NOL8: variants seen among roughly 807,000 people sequenced by gnomAD.
NOL8 encodes nucleolar protein Nop132.
A neutral mutation model predicts 116.1 loss-of-function variants in NOL8; 93 were observed. The observed-to-expected ratio is 0.80, with a 90% CI of 0.68 to 0.95. The LOEUF (loss-of-function observed/expected upper bound fraction) is 0.95. NOL8 is among the 40% of genes least tolerant of loss of function. NOL8 has a pLI of 0.00. For synonymous variants in NOL8, 419 were observed against 469.0 expected (o/e 0.89, Z 1.38); for missense variants, 1,291 against 1,382.8 (o/e 0.93, Z 1.05).
In NOL8 at chr9:92,310,667, C is replaced by T. The variant is rs374107910; in HGVS notation, c.2481G>A (p.Met827Ile). The T allele has an allele frequency of 5.0e-6, 8 of 1,604,014 alleles. No individual in the cohort carries two copies. The highest frequency in any genetic ancestry group is 6.8e-6 in the Non-Finnish European group (8 of 1,177,038). ...CAAACAGCTTCCCTGATGTTTTACC[C>T]ATAGACTCCTGTGAAGAAACACAAC... ...HPGEEWVKES[M>I]GKTSGKLFDS... Residue 827 changes from methionine to isoleucine, a missense_variant, in exon 9 of 17, where the codon ATG (methionine) becomes ATA (isoleucine). Physicochemically the swap from Met to Ile is conservative, Grantham distance 10. Transcript: ENST00000442668.
At chr9:92,311,583 C>G (rs772167789) in intron 7 of NOL8, among the ~76,000 whole-genome samples, 3 of 152,056 alleles carry the variant, frequency 2.0e-5, no homozygotes, top group Non-Finnish European at 4.4e-5. Context: ...ACATGGCCAA[C>G]AAGCATACAA....
At chr9:92,298,814 G>C in intron 15 of NOL8, 70 bp downstream of exon 15, 2 of 861,188 alleles carry the variant, frequency 2.3e-6, no homozygotes, top group Non-Finnish European at 3.5e-6. Context: ...CAAAATTCCT[G>C]GATGTGAATT....
At chr9:92,317,890 C>T (rs1326897633) in intron 6 of NOL8, among the ~76,000 whole-genome samples, 1 of 151,560 alleles carries the variant, frequency 6.6e-6, no homozygotes, top group African/African-American at 2.4e-5. Context: ...AAAAAATTAG[C>T]CAGGTGTGGT....
chr9:92,300,237 T>C, intron 13 of NOL8: 1 of 1,197,898 alleles, frequency 8.3e-7, no homozygotes, highest in Non-Finnish European at 1.0e-6. Context: ...GCTAGAATGA[T>C]CTGATAAGGA....
chr9:92,318,453 T>C (rs961417880), intron 6 of NOL8, among the ~76,000 whole-genome samples, 165 bp downstream of exon 6: 1 of 152,112 alleles, frequency 6.6e-6, no homozygotes, highest in Non-Finnish European at 1.5e-5. Context: ...CTCAATCCAT[T>C]TTCTCATGCT....
rs1554740419 is a variant in NOL8, at chr9:92,310,683, G to A, written c.2473-8C>T. Reference sequence around the variant, plus strand: ...TGTTTTACCCATAGACTCCTGTGAAGAAACACAACATTTATTAATAGCAGA... The same window carrying A: ...TGTTTTACCCATAGACTCCTGTGAAAAAACACAACATTTATTAATAGCAGA... On this transcript the variant is annotated splice_region_variant and splice_polypyrimidine_tract_variant and intron_variant, in intron 8 of 16. Coordinates refer to ENST00000442668, the MANE Select transcript of NOL8 (RefSeq NM_017948.6). 15 of 1,594,198 alleles carry A rather than the reference G, an allele frequency of 9.4e-6. No individual in the cohort carries two copies. The highest frequency in any genetic ancestry group is 2.3e-5 in the South Asian group (2 of 87,068).
intron 7 of NOL8, among the ~76,000 whole-genome samples, chr9:92,311,556 C>CAGCA (rs1838796011): frequency 6.6e-6 from 1 of 152,160 alleles, no homozygotes; most frequent in Non-Finnish European, 1.5e-5. Context: ...ACAGCAGACA[C>CAGCA]TTCTCAAAAG....
intron 4 of NOL8, among the ~76,000 whole-genome samples, chr9:92,321,364 G>A (rs1325729509): frequency 6.6e-6 from 1 of 152,142 alleles, no homozygotes; most frequent in Non-Finnish European, 1.5e-5. Flanking sequence ...GATCTACATT[G>A]CCACAAAAGG....
rs766147217 is a variant in NOL8 at position 92,315,894 on chromosome 9, T to TCTATTA, written c.725_730dup (p.Val242_Ile243dup). 9.5e-5 allele frequency: 153 copies of TCTATTA among 1,613,888 alleles called. No homozygotes were observed. In the South Asian group the frequency reaches 1.5e-3, roughly 16 times the overall value. The stretch of plus-strand genomic sequence containing the variant: ...CTGTTGCTGTGTTAAGGGTGGTCTC[T>TCTATTA]CTATTACCCTCCTGGGCCTTGTACT... On this transcript the variant is annotated inframe_insertion, in exon 7 of 17. Coordinates refer to ENST00000442668, the MANE Select transcript of NOL8 (RefSeq NM_017948.6).
intron 10 of NOL8, among the ~76,000 whole-genome samples, chr9:92,307,347 AT>A (rs1263435608): frequency 1.3e-5 from 2 of 152,156 alleles, no homozygotes; most frequent in African/African-American, 4.8e-5. Flanking sequence ...AACTACAGTG[AT>A]TATAGACTCT....
Position 92,307,012 on chromosome 9 carries a change from T to C in NOL8, c.2699A>G (p.Lys900Arg), listed in dbSNP as rs774415160. ...AAGCTCTTCTTCCTCAGCAGTTTTCTTTTCATTTACCTCTTTGAGGAAAAG... is the reference window on the plus strand; with the variant it reads ...AAGCTCTTCTTCCTCAGCAGTTTTCCTTTCATTTACCTCTTTGAGGAAAAG... The part of the protein sequence containing the change: ...SEEEQEEVNE[K>R]KTAEEEELAE... The change falls in exon 11 of 17, where the codon AAG becomes AGG. Residue 900 changes from lysine (K) to arginine (R), a missense_variant. Physicochemically the swap from Lys to Arg is conservative, Grantham distance 26. Transcript: ENST00000442668. 4.3e-6 allele frequency: 7 copies of C among 1,610,102 alleles called. No individual in the cohort carries two copies. The South Asian group carries it at 6.6e-5, about 15-fold the overall frequency.
In NOL8 at chr9:92,311,179, C is replaced by T. The variant is rs370283875; in HGVS notation, c.2439G>A (p.Gln813=). 9.3e-6 allele frequency: 15 copies of T among 1,613,812 alleles called. No homozygotes were observed. The African/African-American group carries it at 1.6e-4, about 17-fold the overall frequency. ...SECETEETST[Q]EQSHPGEEWV... ...ATTCCTCTCCTGGATGGCTCTGCTCCTGAGTCGATGTCTCCTCTGTTTCAC... is the reference window on the plus strand; with the variant it reads ...ATTCCTCTCCTGGATGGCTCTGCTCTTGAGTCGATGTCTCCTCTGTTTCAC... Residue 813 remains glutamine (Q), a synonymous_variant, in exon 8 of 17, where the codon CAG becomes CAA. Coordinates refer to ENST00000442668, the MANE Select transcript of NOL8 (RefSeq NM_017948.6).
At chr9:92,306,423 T>C (rs72750487) in intron 11 of NOL8, among the ~76,000 whole-genome samples, 4,832 of 152,264 alleles carry the variant, frequency 0.032, 116 homozygotes, top group South Asian at 0.079. Context: ...AAACATTTCA[T>C]TGTGTAAAGT....
chr9:92,307,151 C>A, intron 10 of NOL8, 127 bp from the exon 11 acceptor site: 1 of 909,090 alleles, frequency 1.1e-6, no homozygotes, highest in Non-Finnish European at 1.6e-6. Context: ...AAACTTTAAC[C>A]TCATTTCACT....
rs1181143212 is a variant in NOL8 at position 92,315,405 on chromosome 9, G to A, written c.1220C>T (p.Thr407Met). The A allele has an allele frequency of 8.2e-6, 13 of 1,591,364 alleles. No individual in the cohort carries two copies. Among genetic ancestry groups the A allele is most frequent in the Admixed American group, 3.6e-5 (2 of 55,804 alleles). The change falls in exon 7 of 17, where the codon ACG (threonine) becomes ATG (methionine). Residue 407 changes from threonine to methionine, a missense_variant. Thr to Met is a moderately conservative substitution (Grantham distance 81). Coordinates refer to ENST00000442668, the MANE Select transcript of NOL8 (RefSeq NM_017948.6). ...TCTATTTTTGAAAGAAGTTTTCTTC[G>A]TAGATTTTTCCATTTGTGAAAATTC... ...STEFSQMEKS[T>M]KKTSFKNREN...
chr9:92,324,831 T>C (rs529237300), intron 1 of NOL8: 2 of 152,324 alleles, frequency 1.3e-5, no homozygotes, highest in East Asian at 1.9e-4. Context: ...TGTGCCTGCA[T>C]TGTACAAAGT....
Position 92,322,669 on chromosome 9 carries a change from C to T in NOL8, c.202+772G>A, listed in dbSNP as rs535999348. 2.0e-5 allele frequency among the ~76,000 whole-genome samples: 3 copies of T among 152,304 alleles called. No homozygotes were observed. In the East Asian group the frequency reaches 5.8e-4, roughly 29 times the overall value. ...TAATTCTCACAGAAATATTATGAGG[C>T]AAGCACTATCTTTTGTCATTCATCA... On this transcript the variant is annotated intron_variant, in intron 3 of 16. Transcript: ENST00000442668.
At position 92,305,827 on chromosome 9, in the gene NOL8, G is replaced by A. The variant is rs957066251; in HGVS notation, c.2829C>T (p.Asp943=). Residue 943 remains aspartate, a synonymous_variant, in exon 12 of 17, where the codon GAC becomes GAT. Coordinates refer to ENST00000442668, the MANE Select transcript of NOL8 (RefSeq NM_017948.6). The part of the protein sequence containing the change: ...RGSVAAKKFK[D]IIHYDPTKQD... ...GCTTCGTTGGATCATAATGTATGAT[G>A]TCCCTATGTAAAAAAAGGAAGGGAG... The A allele has an allele frequency of 3.3e-5, 53 of 1,608,634 alleles. No homozygotes were observed. Among genetic ancestry groups the A allele is most frequent in the Non-Finnish European group, 4.5e-5 (53 of 1,175,664 alleles).
intron 11 of NOL8, among the ~76,000 whole-genome samples, chr9:92,306,341 T>G (rs1564211127): frequency 6.6e-6 from 1 of 152,234 alleles, no homozygotes; most frequent in Non-Finnish European, 1.5e-5. Flanking sequence ...TGGATTTTTT[T>G]AGCTTTTAAA....
Sources: gnomAD v4.1 joint callset for allele counts (sites outside exome capture counted in the v4.1 genomes callset) on GRCh38, gnomAD v4.1.1 for gene constraint, MANE v1.5 for transcripts, NCBI Gene and HGNC (gene_info 2026-07-23, HGNC 2026-07-21) for gene names.